The following LARGE1 variants were observed in gnomAD, a reference collection of about 807,000 sequenced individuals.
The protein encoded by LARGE1 is LARGE xylosyl- and glucuronyltransferase 1.
Under a neutral mutation model 87.6 loss-of-function variants are expected in LARGE1, and 43 were observed. The ratio of observed to expected loss-of-function variants is 0.49; its 90% CI spans 0.38 to 0.63. LARGE1 has a LOEUF of 0.63. Ranked by LOEUF, LARGE1 falls within the 30% of genes least tolerant of loss-of-function variation. The pLI, the probability that LARGE1 is intolerant of heterozygous loss-of-function variation, is 0.00. For synonymous variants in LARGE1, 434 were observed against 394.6 expected, an observed-to-expected ratio of 1.10 and a Z score of -1.18; for missense variants, 802 against 1,000.2, an observed-to-expected ratio of 0.80 and a Z score of 2.67.
intron 6 of LARGE1, among the ~76,000 whole-genome samples, chr22:33,560,325 C>T (rs1173918743): frequency 6.6e-6 from 1 of 152,096 alleles, no homozygotes; most frequent in South Asian, 2.1e-4. Context: ...TCTATTAGGC[C>T]CTGAATGATA....
intron 6 of LARGE1, among the ~76,000 whole-genome samples, chr22:33,475,473 T>TATTTATTTA (rs1213308966): frequency 7.1e-6 from 1 of 140,668 alleles, no homozygotes; most frequent in African/African-American, 2.6e-5. Flanking sequence ...TTTATTTATT[T>TATTTATTTA]ATTTTGAGAT....
At chr22:33,831,958 A>G (rs1434450397) in intron 1 of LARGE1, among the ~76,000 whole-genome samples, 1 of 152,118 alleles carries the variant, frequency 6.6e-6, no homozygotes, top group East Asian at 1.9e-4. Context: ...GCTCTCTTTC[A>G]CACCTCAAAC....
chr22:33,787,243 G>T (rs535333972), intron 1 of LARGE1, among the ~76,000 whole-genome samples: 1 of 152,024 alleles, frequency 6.6e-6, no homozygotes, highest in Non-Finnish European at 1.5e-5. Context: ...GAAAAGCACT[G>T]GAGAGGCAAG....
intron 2 of LARGE1, among the ~76,000 whole-genome samples, chr22:33,660,365 C>A (rs1031434756): frequency 5.9e-5 from 9 of 152,062 alleles, no homozygotes; most frequent in Non-Finnish European, 1.2e-4. Flanking sequence ...CTTAGATCAC[C>A]AGGTGGTTTA....
intron 11 of LARGE1, among the ~76,000 whole-genome samples, chr22:33,181,830 T>C (rs1439665879): frequency 2.8e-5 from 1 of 35,314 alleles, no homozygotes; most frequent in Non-Finnish European, 8.1e-5. Flanking sequence ...GCCTGGCCTT[T>C]TTTTTTTTTT....
chr22:33,473,724 G>A (rs12330094), intron 6 of LARGE1, among the ~76,000 whole-genome samples: 3,764 of 152,204 alleles, frequency 0.025, 168 homozygotes, highest in African/African-American at 0.086. Context: ...GATTACAGGC[G>A]TCAGCCACCG....
At chr22:33,839,493 G>T (rs1009771184) in intron 1 of LARGE1, among the ~76,000 whole-genome samples, 1 of 152,138 alleles carries the variant, frequency 6.6e-6, no homozygotes, top group Non-Finnish European at 1.5e-5. Flanking sequence ...TCAACCCCTG[G>T]CAGAGAAGAT....
At chr22:33,547,543 C>A (rs1569258243) in intron 6 of LARGE1, among the ~76,000 whole-genome samples, 2 of 152,004 alleles carry the variant, frequency 1.3e-5, no homozygotes, top group Non-Finnish European at 2.9e-5. Context: ...CGCCTGTAAT[C>A]CCAGCACTTT....
chr22:33,913,569 G>A (rs2065698957), intron 1 of LARGE1, among the ~76,000 whole-genome samples: 1 of 152,120 alleles, frequency 6.6e-6, no homozygotes, highest in Non-Finnish European at 1.5e-5. Flanking sequence ...TTTTGAGAAG[G>A]AGTCTTGCTC....
the LARGE1 span, among the ~76,000 whole-genome samples, chr22:33,085,908 A>G: frequency 6.6e-6 from 1 of 152,188 alleles, no homozygotes; most frequent in Non-Finnish European, 1.5e-5. Context: ...ATAATACAGT[A>G]AATTTTTGTA....
intron 6 of LARGE1, among the ~76,000 whole-genome samples, chr22:33,537,335 T>G (rs936357940): frequency 3.3e-5 from 5 of 152,232 alleles, no homozygotes; most frequent in Admixed American, 1.3e-4. Context: ...CCAGTGGCTG[T>G]CTGTATTCCT....
intron 1 of LARGE1, among the ~76,000 whole-genome samples, chr22:33,872,782 G>C (rs949497563): frequency 1.3e-5 from 2 of 152,134 alleles, no homozygotes; most frequent in Non-Finnish European, 2.9e-5. Flanking sequence ...TGGATGACCT[G>C]AGGTCAGGAG....
chr22:33,501,961 G>A (rs2070460242), intron 6 of LARGE1, among the ~76,000 whole-genome samples: 1 of 152,176 alleles, frequency 6.6e-6, no homozygotes, highest in African/African-American at 2.4e-5. Flanking sequence ...GGGAGGCTGA[G>A]GCGGGCAGAT....
At chr22:33,247,154 C>A (rs1402785069) in intron 11 of LARGE1, among the ~76,000 whole-genome samples, 2 of 150,448 alleles carry the variant, frequency 1.3e-5, no homozygotes, top group Admixed American at 6.6e-5. Context: ...TAAAGTTGCA[C>A]AGAGTGATTC....
intron 11 of LARGE1, among the ~76,000 whole-genome samples, chr22:33,213,178 C>G (rs1173873376): frequency 6.6e-6 from 1 of 152,162 alleles, no homozygotes; most frequent in Non-Finnish European, 1.5e-5. Context: ...ACCAAGAGAA[C>G]TAGCATTAGA....
the LARGE1 span, among the ~76,000 whole-genome samples, chr22:33,104,907 C>CT: frequency 1.7e-5 from 1 of 59,574 alleles, no homozygotes; most frequent in Non-Finnish European, 4.4e-5. Flanking sequence ...TTCTTTCTTT[C>CT]TTTCTTTCTT....
intron 5 of LARGE1, among the ~76,000 whole-genome samples, chr22:33,572,906 T>A (rs779871608): frequency 2.0e-5 from 3 of 151,832 alleles, no homozygotes; most frequent in Admixed American, 6.6e-5. Context: ...AATAAAATGG[T>A]TAACAACACA....
chr22:33,524,383 C>T (rs534236959), intron 6 of LARGE1, among the ~76,000 whole-genome samples: 1 of 152,062 alleles, frequency 6.6e-6, no homozygotes, highest in East Asian at 1.9e-4. Context: ...AATATTATCA[C>T]CTTTCTAATC....
intron 11 of LARGE1, among the ~76,000 whole-genome samples, chr22:33,230,247 C>T (rs566779909): frequency 4.6e-5 from 7 of 151,924 alleles, no homozygotes; most frequent in East Asian, 1.9e-4. Context: ...CTCTTGACCT[C>T]GTAATCTCGT....
Sources: allele counts gnomAD v4.1 joint callset (sites outside exome capture counted in the v4.1 genomes callset), GRCh38; gene constraint gnomAD v4.1.1; transcripts MANE v1.5; gene names NCBI Gene and HGNC (gene_info 2026-07-23, HGNC 2026-07-21).